Variants in ERC2 observed in about 807,000 individuals in gnomAD.
ERC2 encodes the protein ERC protein 2.
Under a neutral mutation model 114.8 loss-of-function variants are expected in ERC2, and 42 were observed. The ratio of observed to expected loss-of-function variants is 0.37; its 90% CI spans 0.29 to 0.47. ERC2 has a LOEUF of 0.47. ERC2 is among the 20% of genes least tolerant of loss of function. The probability of loss-of-function intolerance (pLI) is 0.99; values close to 1 mark genes in which losing one functional copy is unlikely to be tolerated. For synonymous variants in ERC2, 454 were observed against 425.5 expected (o/e 1.07, Z -0.82); for missense variants, 939 against 1,150.7 (o/e 0.82, Z 2.66).
chr3:55,955,383 C>T (rs1002468283), intron 12 of ERC2, among the ~76,000 whole-genome samples: 1 of 152,094 alleles, frequency 6.6e-6, no homozygotes, highest in African/African-American at 2.4e-5. Flanking sequence ...ATTGCCATCA[C>T]CCTGCCTCAT....
At chr3:56,352,239 C>T (rs1016198506) in intron 2 of ERC2, among the ~76,000 whole-genome samples, 1 of 152,156 alleles carries the variant, frequency 6.6e-6, no homozygotes, top group East Asian at 1.9e-4. Context: ...ACTGTATTAT[C>T]TAGGCTAGAA....
chr3:56,449,110 C>G (rs1449695977), intron 1 of ERC2, among the ~76,000 whole-genome samples: 2 of 149,050 alleles, frequency 1.3e-5, no homozygotes, highest in Non-Finnish European at 3.0e-5. Flanking sequence ...TTGGATTTGG[C>G]CCACAGGTAG....
At chr3:55,920,766 A>C (rs1256769117) in intron 13 of ERC2, among the ~76,000 whole-genome samples, 2 of 152,154 alleles carry the variant, frequency 1.3e-5, no homozygotes, top group African/African-American at 4.8e-5. Flanking sequence ...TGGGGAGGTT[A>C]ATAATGATAA....
intron 17 of ERC2, among the ~76,000 whole-genome samples, chr3:55,629,385 A>G (rs571277317): frequency 1.8e-4 from 27 of 152,392 alleles, no homozygotes; most frequent in Admixed American, 2.6e-4. Flanking sequence ...CTCAAACACT[A>G]GAAATAAAAC....
At chr3:56,148,625 G>A (rs564157746) in intron 5 of ERC2, among the ~76,000 whole-genome samples, 44 of 152,240 alleles carry the variant, frequency 2.9e-4, no homozygotes, top group Admixed American at 1.4e-3. Context: ...GGAGAGGCAA[G>A]AAATTTGACA....
chr3:55,707,597 G>A (rs924683319), intron 15 of ERC2, among the ~76,000 whole-genome samples: 1 of 152,186 alleles, frequency 6.6e-6, no homozygotes, highest in African/African-American at 2.4e-5. Context: ...AGTTCTATGT[G>A]CTCTGCTCAT....
chr3:55,951,538 C>T (rs554601847), intron 12 of ERC2, among the ~76,000 whole-genome samples: 1 of 152,290 alleles, frequency 6.6e-6, no homozygotes, highest in African/African-American at 2.4e-5. Flanking sequence ...ATTGCACCAG[C>T]AGCTTTTAGC....
chr3:56,023,264 C>A (rs192081506), intron 7 of ERC2, among the ~76,000 whole-genome samples: 15 of 152,240 alleles, frequency 9.9e-5, no homozygotes, highest in African/African-American at 3.6e-4. Context: ...TGCATGACTT[C>A]CTTCCTTAGA....
chr3:55,655,404 A>C (rs2060814690), intron 17 of ERC2, among the ~76,000 whole-genome samples: 1 of 152,198 alleles, frequency 6.6e-6, no homozygotes, highest in African/African-American at 2.4e-5. Context: ...AGGAGCCCCA[A>C]GATTGTTTCC....
At chr3:56,372,625 G>T (rs1027445702) in intron 2 of ERC2, among the ~76,000 whole-genome samples, 3 of 152,160 alleles carry the variant, frequency 2.0e-5, no homozygotes. Flanking sequence ...CTACTCAGGA[G>T]GCTGAGGTGG....
chr3:56,296,380 A>T lies in ERC2; in HGVS notation c.713T>A (p.Leu238His). Residue 238 changes from leucine to histidine, a missense_variant, in exon 3 of 18, where the codon CTC becomes CAC. This residue lies in a region of ERC2 where 281 missense variants were observed against 307.4 expected (regional missense o/e 0.91). Transcript: ENST00000288221. ...LQDELRTQRD[L>H]NHLLQQESGN... The stretch of plus-strand genomic sequence containing the variant: ...ACTCTCTTGCTGGAGGAGGTGGTTG[A>T]GGTCTCTCTGGGTTCGCAGCTCATC... The T allele has an allele frequency of 6.2e-7, 1 of 1,613,988 alleles. No individual in the cohort carries two copies. The highest frequency in any genetic ancestry group is 8.5e-7 in the Non-Finnish European group (1 of 1,179,878).
chr3:55,711,940 A>G (rs1423649980), intron 15 of ERC2, among the ~76,000 whole-genome samples: 1 of 152,240 alleles, frequency 6.6e-6, no homozygotes, highest in African/African-American at 2.4e-5. Flanking sequence ...CAAAACTGTC[A>G]ATCAACATCC....
chr3:56,082,681 T>C (rs1035900671), intron 6 of ERC2, among the ~76,000 whole-genome samples: 1 of 152,170 alleles, frequency 6.6e-6, no homozygotes, highest in Non-Finnish European at 1.5e-5. Context: ...GAATATGTTA[T>C]GTTTACTACA....
intron 17 of ERC2, among the ~76,000 whole-genome samples, chr3:55,675,903 CTTTTTTTTTTTTTTTTTTTTTT>C (rs869296098): frequency 1.5e-4 from 7 of 47,994 alleles, no homozygotes; most frequent in African/African-American, 6.6e-4. Context: ...TCTTTTCTTT[CTTTTTTTTTTTTTTTTTTTTTT>C]TTTTTTTTTT....
In ERC2 at chr3:55,538,591, C is replaced by T. The variant is rs145544021; in HGVS notation, c.*40-27315G>A. Among the ~76,000 whole-genome samples, 572 of 152,250 alleles carry T rather than the reference C, an allele frequency of 3.8e-3. 4 individuals carry two copies. The highest frequency in any genetic ancestry group is 0.013 in the African/African-American group (544 of 41,524). Reference sequence around the variant, plus strand: ...GAACGGCATTGCGTGCTTTAACGAACGCTTTTGGAAACCACCATGGAAAAG... The same window carrying T: ...GAACGGCATTGCGTGCTTTAACGAATGCTTTTGGAAACCACCATGGAAAAG... On this transcript the variant is annotated intron_variant, in intron 17 of 17. Coordinates refer to ENST00000288221, the MANE Select transcript of ERC2 (RefSeq NM_015576.3).
intron 4 of ERC2, among the ~76,000 whole-genome samples, chr3:56,164,772 C>A (rs1172413739): frequency 1.3e-5 from 2 of 151,944 alleles, no homozygotes; most frequent in African/African-American, 4.8e-5. Flanking sequence ...GTCTGTCTTT[C>A]TTATTTTAGC....
intron 17 of ERC2, among the ~76,000 whole-genome samples, chr3:55,524,036 A>T (rs1375074236): frequency 6.6e-6 from 1 of 152,196 alleles, no homozygotes; most frequent in Non-Finnish European, 1.5e-5. Context: ...CAGTTTTCTC[A>T]TCTCCAAAGT....
chr3:55,903,367 C>G (rs2064251144), intron 13 of ERC2, among the ~76,000 whole-genome samples: 1 of 152,172 alleles, frequency 6.6e-6, no homozygotes, highest in Non-Finnish European at 1.5e-5. Context: ...CAAATAGTCT[C>G]AAGACAAATA....
In ERC2 at chr3:55,821,174, T is replaced by A. The variant is rs141025199; in HGVS notation, c.2564+67215A>T. 1.9e-3 allele frequency among the ~76,000 whole-genome samples: 289 copies of A among 152,262 alleles called. 3 individuals are homozygous for A. The highest frequency in any genetic ancestry group is 6.5e-3 in the African/African-American group (268 of 41,546). ...CAACTGAACAGTGAGATTAGACTGA[T>A]GAATGTGGAGGAGAAACCCTACTGT... On this transcript the variant is annotated intron_variant, in intron 14 of 17. Transcript: ENST00000288221.
Sources: allele counts gnomAD v4.1 joint callset (sites outside exome capture counted in the v4.1 genomes callset), GRCh38; gene constraint gnomAD v4.1.1; regional missense constraint gnomAD v4.1.1; transcripts MANE v1.5; gene names NCBI Gene and HGNC (gene_info 2026-07-23, HGNC 2026-07-21).